The following GAL3ST2 variants were observed in gnomAD, a reference collection of about 807,000 sequenced individuals.
GAL3ST2 encodes the protein galactose-3-O-sulfotransferase 2, also known as beta-galactose-3-O-sulfotransferase 2.
GAL3ST2 carries 16 observed loss-of-function variants against 12.9 expected under a neutral mutation model. That is an observed-to-expected ratio of 1.24 (90% CI 0.84 to 1.88). The LOEUF (loss-of-function observed/expected upper bound fraction) is 1.88. Ranked by LOEUF, GAL3ST2 falls within the 40% of genes most tolerant of loss-of-function variation. The pLI is 0.00. For missense variants in GAL3ST2, 639 were observed against 571.8 expected (o/e 1.12, Z -1.20); for synonymous variants, 302 against 273.9 (o/e 1.10, Z -1.01).
intron 1 of GAL3ST2, among the ~76,000 whole-genome samples, chr2:241,798,378 G>T (rs546331991): frequency 1.3e-5 from 2 of 152,338 alleles, no homozygotes; most frequent in East Asian, 3.9e-4. Context: ...ATGCGATCTC[G>T]AGCCAGCATG....
intron 1 of GAL3ST2, among the ~76,000 whole-genome samples, chr2:241,782,589 G>C (rs1575361346): frequency 2.0e-5 from 3 of 152,144 alleles, no homozygotes; most frequent in Admixed American, 6.5e-5. Flanking sequence ...GCCTCCCAAA[G>C]TGCTGGGATT....
rs1699860879 is a variant in GAL3ST2, at chr2:241,802,128, G to GT, written c.375+93dup. 3 of 1,444,380 alleles carry GT rather than the reference G, an allele frequency of 2.1e-6. No homozygotes were observed. The highest frequency in any genetic ancestry group is 2.2e-5 in the Admixed American group (1 of 46,424). The allele number at this position is 1,444,380 out of a possible 1,614,324, so 89.5% of individuals were successfully genotyped here. A position where few individuals can be genotyped will look rare whatever the true frequency, so the allele number is the denominator to read the frequency against. ...GTAGCCTGGAGGCTGGAGAGAAGGA[G>GT]TGTAAGGCTTGGGGGCGGGGCGTGC... On this transcript the variant is annotated intron_variant, in intron 3 of 3. Coordinates refer to ENST00000192314, the MANE Select transcript of GAL3ST2 (RefSeq NM_022134.3). The surrounding 1 kb of genome is among the most constrained non-coding windows in gnomAD (Gnocchi z 4.8).
rs945105152 is a variant in GAL3ST2 at position 241,800,426 on chromosome 2, G to A, written c.119+1272G>A. Among the ~76,000 whole-genome samples, 3 of 152,112 alleles carry A rather than the reference G, an allele frequency of 2.0e-5. No individual in the cohort carries two copies. The highest frequency in any genetic ancestry group is 1.9e-4 in the East Asian group (1 of 5,200). ...GCCAAGTACACGTTCAGCAGGTGAC[G>A]GGAGGAGCTGTGGATATTCATGAAG... is the stretch of plus-strand genomic sequence containing the variant. On this transcript the variant is annotated intron_variant, in intron 2 of 3. Transcript: ENST00000192314. The surrounding 1 kb of genome is among the most constrained non-coding windows in gnomAD (Gnocchi z 5.2).
Position 241,803,872 on chromosome 2 carries a change from G to C in GAL3ST2, c.903G>C (p.Arg301=). ...AGCTGCGCGCCGAGCTGGGGCCGCG[G>C]CGGCTGCGCGGGGAGGTGGAGCGGC... The part of the protein sequence containing the change: ...WAQLRAELGP[R]RLRGEVERLR... The change falls in exon 4 of 4, where the codon CGG becomes CGC. Residue 301 remains arginine (R), a synonymous_variant. Transcript: ENST00000192314. 1 of 1,423,020 alleles carries C rather than the reference G, an allele frequency of 7.0e-7. No individual in the cohort carries two copies. The highest frequency in any genetic ancestry group is 9.1e-7 in the Non-Finnish European group (1 of 1,098,354). The allele number at this position is 1,423,020 out of a possible 1,614,324, so 88.1% of individuals were successfully genotyped here.
chr2:241,795,235 C>T lies in GAL3ST2; in HGVS notation c.30-3830C>T, dbSNP rs916972597. On this transcript the variant is annotated intron_variant, in intron 1 of 3. Transcript: ENST00000192314. This position sits in a 1 kb window ranked among gnomAD's most constrained non-coding sequence, Gnocchi z 4.5. ...CCAACACTGACCACCCTACCTGACCCCTGCAGGTGTGGGACCAGCAGGTCT... is the reference window on the plus strand; with the variant it reads ...CCAACACTGACCACCCTACCTGACCTCTGCAGGTGTGGGACCAGCAGGTCT... Among the ~76,000 whole-genome samples, 4 of 152,170 alleles carry T rather than the reference C, an allele frequency of 2.6e-5. No homozygotes were observed. The highest frequency in any genetic ancestry group is 7.2e-5 in the African/African-American group (3 of 41,440).
At chr2:241,798,526 C>T (rs753566325) in intron 1 of GAL3ST2, among the ~76,000 whole-genome samples, 16 of 152,164 alleles carry the variant, frequency 1.1e-4, no homozygotes, top group Non-Finnish European at 2.1e-4. Context: ...AATCCCATTA[C>T]AGGGACTCCA....
intron 1 of GAL3ST2, among the ~76,000 whole-genome samples, chr2:241,791,239 C>G (rs1699689809): frequency 6.6e-6 from 1 of 152,194 alleles, no homozygotes; most frequent in South Asian, 2.1e-4. Context: ...TCGACACTCT[C>G]TACCTGGTTT....
At position 241,795,804 on chromosome 2, in the gene GAL3ST2, CCT is replaced by C. The variant is rs1188192138; in HGVS notation, c.30-3256_30-3255del. ...CCTGATCCCGCGTGGGGCGCATGGC[CCT>C]CTCTGCTCTGCGGCCCCTCTCGCTC... On this transcript the variant is annotated intron_variant, in intron 1 of 3. Transcript: ENST00000192314. This position sits in a 1 kb window ranked among gnomAD's most constrained non-coding sequence, Gnocchi z 4.5. Among the ~76,000 whole-genome samples, 1 of 152,182 alleles carries C rather than the reference CCT, an allele frequency of 6.6e-6. No individual in the cohort carries two copies. The highest frequency in any genetic ancestry group is 1.5e-5 in the Non-Finnish European group (1 of 68,020).
At chr2:241,781,348 A>G (rs1372429386) in intron 1 of GAL3ST2, among the ~76,000 whole-genome samples, 1 of 152,178 alleles carries the variant, frequency 6.6e-6, no homozygotes, top group Non-Finnish European at 1.5e-5. Flanking sequence ...GCTCTCCATG[A>G]GAGTCCTGAA....
intron 1 of GAL3ST2, among the ~76,000 whole-genome samples, chr2:241,790,633 A>C (rs1054859776): frequency 4.6e-5 from 7 of 152,204 alleles, no homozygotes; most frequent in Non-Finnish European, 8.8e-5. Context: ...TGGCATAACA[A>C]GGAAGAAAAT....
At position 241,803,669 on chromosome 2, in the gene GAL3ST2, C is replaced by G; in HGVS notation, c.700C>G (p.Leu234Val). ...CATCGCCGAGCACCTGGACGAGTCC[C>G]TGGTGCTGCTGCGGCGCCGGCTGCG... ...VLIAEHLDES[L>V]VLLRRRLRWA... The change falls in exon 4 of 4, where the codon CTG (leucine) becomes GTG (valine). Residue 234 changes from leucine to valine, a missense_variant. By Grantham distance (32) the Leu-to-Val change is conservative (BLOSUM62 1). Transcript: ENST00000192314. 6.5e-7 allele frequency: 1 copy of G among 1,547,762 alleles called. No homozygotes were observed. The highest frequency in any genetic ancestry group is 8.7e-7 in the Non-Finnish European group (1 of 1,145,392).
At chr2:241,787,889 T>C (rs1474197204) in intron 1 of GAL3ST2, among the ~76,000 whole-genome samples, 2 of 152,170 alleles carry the variant, frequency 1.3e-5, no homozygotes, top group Admixed American at 1.3e-4. Flanking sequence ...CCTGACTTGG[T>C]CAAATCCGAG....
Position 241,801,091 on chromosome 2 carries a change from G to A in GAL3ST2, c.120-690G>A, listed in dbSNP as rs2125197041. 1 of 152,324 alleles carries A rather than the reference G, an allele frequency of 6.6e-6. No individual in the cohort carries two copies. The highest frequency in any genetic ancestry group is 1.9e-4 in the East Asian group (1 of 5,184). 9.4% of individuals were successfully genotyped at this position (152,324 alleles called of 1,614,324 possible). A position where few individuals can be genotyped will look rare whatever the true frequency, so the allele number is the denominator to read the frequency against. On this transcript the variant is annotated intron_variant, in intron 2 of 3. Coordinates refer to ENST00000192314, the MANE Select transcript of GAL3ST2 (RefSeq NM_022134.3). The surrounding 1 kb of genome is among the most constrained non-coding windows in gnomAD (Gnocchi z 4.4). ...CAAGCCCCGCATGCATTAGGTATTT[G>A]TCCTAATGCTTTCCTTCCCCTTACA...
intron 1 of GAL3ST2, among the ~76,000 whole-genome samples, chr2:241,790,781 ATCAATT>A (rs1699685398): frequency 6.6e-6 from 1 of 152,200 alleles, no homozygotes; most frequent in South Asian, 2.1e-4. Context: ...CCAGGAGATA[ATCAATT>A]AAGAGCCAGG....
At chr2:241,796,539 G>C (rs531689930) in intron 1 of GAL3ST2, among the ~76,000 whole-genome samples, 2 of 152,282 alleles carry the variant, frequency 1.3e-5, no homozygotes, top group East Asian at 3.9e-4. Context: ...TCTGTGGTGA[G>C]CGGCTTCTGC....
Position 241,793,748 on chromosome 2 carries a change from GTGTGTATTGTGTA to G in GAL3ST2, c.30-5310_30-5298del, listed in dbSNP as rs1699735669. ...TGTGTATGTGTGTATATGTATGTGT[GTGTGTATTGTGTA>G]TGTGTAGTGTGTATTATTTGTGTGT... On this transcript the variant is annotated intron_variant, in intron 1 of 3. Transcript: ENST00000192314. This position sits in a 1 kb window ranked among gnomAD's most constrained non-coding sequence, Gnocchi z 4.7. Among the ~76,000 whole-genome samples the G allele has an allele frequency of 6.6e-6, 1 of 151,838 alleles. No homozygotes were observed. The highest frequency in any genetic ancestry group is 1.5e-5 in the Non-Finnish European group (1 of 67,942).
Position 241,802,034 on chromosome 2 carries a change from C to T in GAL3ST2, c.373C>T (p.Gln125Ter), listed in dbSNP as rs1340703846. 3.1e-6 allele frequency: 5 copies of T among 1,608,468 alleles called. No homozygotes were observed. The highest frequency in any genetic ancestry group is 4.2e-6 in the Non-Finnish European group (5 of 1,177,884). Residue 125 changes from glutamine (Q) to a stop codon, truncating the protein, a stop_gained and splice_region_variant, in exon 3 of 4, where the codon CAG (glutamine) becomes TAG (stop). Transcript: ENST00000192314. LOFTEE classifies it low-confidence loss of function (END_TRUNC). This position sits in a 1 kb window ranked among gnomAD's most constrained non-coding sequence, Gnocchi z 4.8. ...CAACCACCTGAGGTTCAACCTGCCT[C>T]AGGTACCGCGGGCCTGCTGGGGAGG... Reference protein sequence around the residue: ...MCNHLRFNLPQVQKVMPNDTF... With the variant: ...MCNHLRFNLP
intron 1 of GAL3ST2, among the ~76,000 whole-genome samples, chr2:241,785,830 T>C (rs1699620915): frequency 6.6e-6 from 1 of 151,622 alleles, no homozygotes; most frequent in Non-Finnish European, 1.5e-5. Context: ...CCCAAAAACA[T>C]GAAGAACATG....
Position 241,776,928 on chromosome 2 carries a change from G to A in GAL3ST2, c.-28G>A. ...CCTCGGGGGAGCTCAAGCCTCGACT[G>A]TCCCCTCGCTGGAGGCCAGAGGCCA... is the stretch of plus-strand genomic sequence containing the variant. On this transcript the variant is annotated 5_prime_UTR_variant, in exon 1 of 4. Coordinates refer to ENST00000192314, the MANE Select transcript of GAL3ST2 (RefSeq NM_022134.3). 1 of 1,519,778 alleles carries A rather than the reference G, an allele frequency of 6.6e-7. No homozygotes were observed. Among genetic ancestry groups the A allele is most frequent in the Non-Finnish European group, 8.9e-7 (1 of 1,127,488 alleles). 94.1% of individuals were successfully genotyped at this position (1,519,778 alleles called of 1,614,324 possible).
Sources: gnomAD v4.1 joint callset for allele counts (sites outside exome capture counted in the v4.1 genomes callset) on GRCh38, gnomAD v4.1.1 for gene constraint, Gnocchi (gnomAD v3.1) non-coding constraint, MANE v1.5 for transcripts, NCBI Gene and HGNC (gene_info 2026-07-23, HGNC 2026-07-21) for gene names.